The following MYOF variants were observed in gnomAD, a reference collection of about 807,000 sequenced individuals.
MYOF encodes the protein fer-1-like 3, myoferlin.
In MYOF, 244 loss-of-function variants were observed where a neutral mutation model predicts 284.2. That is an observed-to-expected ratio of 0.86 (90% confidence interval 0.77 to 0.95). MYOF has a LOEUF of 0.95. MYOF is among the 40% of genes least tolerant of loss of function. MYOF has a pLI of 0.00. For synonymous variants in MYOF, 904 were observed against 919.7 expected (o/e 0.98, Z 0.31); for missense variants, 2,496 against 2,560.6 (o/e 0.97, Z 0.54).
Position 93,371,614 on chromosome 10 carries a change from C to T in MYOF, c.2457+1316G>A, listed in dbSNP as rs115731872. Among the ~76,000 whole-genome samples, 712 of 152,200 alleles carry T rather than the reference C, an allele frequency of 4.7e-3. 10 individuals carry two copies. The highest frequency in any genetic ancestry group is 0.016 in the African/African-American group (670 of 41,522). On this transcript the variant is annotated intron_variant, in intron 24 of 53. Transcript: ENST00000359263. ...TAATTGATGTAATTTATGTTAGTAA[C>T]GGGTTATTGTTACAGTTAAATCAAT...
At chr10:93,364,113 C>A in intron 26 of MYOF, 38 bp from the exon 27 acceptor site, 2 of 1,566,202 alleles carry the variant, frequency 1.3e-6, no homozygotes, top group Admixed American at 1.7e-5. Context: ...CCAAGGAGAC[C>A]GGGTAACCGG....
intron 29 of MYOF, 122 bp from the exon 30 acceptor site, chr10:93,356,970 T>C (rs1844836088): frequency 9.7e-7 from 1 of 1,033,956 alleles, no homozygotes; most frequent in African/African-American, 1.6e-5. Flanking sequence ...CTGTGCCAAG[T>C]ACTGAGCTAG....
intron 1 of MYOF, among the ~76,000 whole-genome samples, chr10:93,480,025 C>T (rs1334536462): frequency 2.0e-5 from 3 of 152,140 alleles, no homozygotes; most frequent in African/African-American, 7.2e-5. Context: ...ACTCCAATTC[C>T]TCTATAATCT....
At chr10:93,374,287 CT>C (rs1845734534) in intron 23 of MYOF, among the ~76,000 whole-genome samples, 1 of 152,146 alleles carries the variant, frequency 6.6e-6, no homozygotes, top group Admixed American at 6.6e-5. Context: ...CACCCACCAT[CT>C]TTTTAAAATC....
intron 1 of MYOF, among the ~76,000 whole-genome samples, chr10:93,474,233 A>G (rs930696906): frequency 6.6e-6 from 1 of 152,158 alleles, no homozygotes; most frequent in African/African-American, 2.4e-5. Flanking sequence ...CCTTCTTACT[A>G]GTCTCCCTGA....
intron 3 of MYOF, among the ~76,000 whole-genome samples, chr10:93,448,941 G>A (rs2056513572): frequency 6.6e-6 from 1 of 152,136 alleles, no homozygotes; most frequent in Admixed American, 6.5e-5. Context: ...GTTGCAGTGA[G>A]CCAAGATCAC....
intron 5 of MYOF, among the ~76,000 whole-genome samples, chr10:93,417,268 TCTTTA>T (rs762222689): frequency 6.6e-6 from 1 of 152,190 alleles, no homozygotes; most frequent in Non-Finnish European, 1.5e-5. Context: ...GATCCACTCT[TCTTTA>T]CTTGTGATGT....
At chr10:93,479,358 T>C (rs900350049) in intron 1 of MYOF, among the ~76,000 whole-genome samples, 5 of 152,172 alleles carry the variant, frequency 3.3e-5, no homozygotes, top group African/African-American at 9.7e-5. Flanking sequence ...CTTTGTTCCA[T>C]GTTCCCTCTG....
chr10:93,338,904 C>T (rs558214191), intron 39 of MYOF, among the ~76,000 whole-genome samples: 2 of 150,982 alleles, frequency 1.3e-5, no homozygotes, highest in African/African-American at 2.4e-5. Context: ...TTATTTTAAC[C>T]TACCTTGGAA....
intron 1 of MYOF, 78 bp downstream of exon 1, chr10:93,482,029 C>T: frequency 1.5e-6 from 2 of 1,378,140 alleles, no homozygotes; most frequent in Non-Finnish European, 2.1e-6. Flanking sequence ...TGTCTAAATG[C>T]AGACTTTTCA....
intron 17 of MYOF, among the ~76,000 whole-genome samples, chr10:93,390,006 C>G (rs1029767729): frequency 3.3e-5 from 5 of 152,180 alleles, no homozygotes; most frequent in African/African-American, 1.2e-4. Flanking sequence ...TTCGAAATGA[C>G]AAACAATGGG....
At chr10:93,455,901 TG>T (rs2056733656) in intron 2 of MYOF, among the ~76,000 whole-genome samples, 1 of 152,042 alleles carries the variant, frequency 6.6e-6, no homozygotes, top group Non-Finnish European at 1.5e-5. Context: ...AATAATTGGG[TG>T]GTTTAAAAGA....
At position 93,306,930 on chromosome 10, in the gene MYOF, T is replaced by C; in HGVS notation, c.*33A>G. The stretch of plus-strand genomic sequence containing the variant: ...TACAGAGGCAGGATTCTCTCATTGC[T>C]GGATGACTCTTGAAATGAAGCCTTT... On this transcript the variant is annotated 3_prime_UTR_variant, in exon 54 of 54. Coordinates refer to ENST00000359263, the MANE Select transcript of MYOF (RefSeq NM_013451.4). 1.2e-6 allele frequency: 2 copies of C among 1,604,874 alleles called. No homozygotes were observed. Among genetic ancestry groups the C allele is most frequent in the Non-Finnish European group, 1.7e-6 (2 of 1,172,054 alleles).
chr10:93,411,281 C>T (rs1022262310), intron 5 of MYOF, among the ~76,000 whole-genome samples: 40 of 152,130 alleles, frequency 2.6e-4, no homozygotes, highest in African/African-American at 5.8e-4. Context: ...ATCAAGGCAC[C>T]GGCGGATTCA....
chr10:93,316,747 C>T lies in MYOF; in HGVS notation c.5665G>A (p.Asp1889Asn). 1 of 1,613,962 alleles carries T rather than the reference C, an allele frequency of 6.2e-7. No individual in the cohort carries two copies. Among genetic ancestry groups the T allele is most frequent in the South Asian group, 1.1e-5 (1 of 91,074 alleles). ...TCATCCAGAGAAAACTTGTCATTGT[C>T]CCATATCTGAATGATCAGCCTGGGT... Reference protein sequence around the residue: ...IPPRLIIQIWDNDKFSLDDYL... With the variant: ...IPPRLIIQIWNNDKFSLDDYL... Residue 1889 changes from aspartate to asparagine, a missense_variant, in exon 50 of 54, where the codon GAC becomes AAC. By Grantham distance (23) the Asp-to-Asn change is conservative (BLOSUM62 1). Transcript: ENST00000359263.
intron 24 of MYOF, 70 bp from the exon 25 acceptor site, chr10:93,369,846 A>C (rs1845507045): frequency 5.1e-6 from 8 of 1,572,316 alleles, no homozygotes; most frequent in Non-Finnish European, 7.0e-6. Context: ...AGTTAAAGCC[A>C]AAAACAGAGG....
chr10:93,477,348 C>G (rs1334472817), intron 1 of MYOF, among the ~76,000 whole-genome samples: 1 of 151,536 alleles, frequency 6.6e-6, no homozygotes, highest in African/African-American at 2.4e-5. Context: ...CAAAATTAGC[C>G]GGGTGTGGTG....
intron 25 of MYOF, among the ~76,000 whole-genome samples, chr10:93,367,404 T>C (rs1845376331): frequency 6.6e-6 from 1 of 152,136 alleles, no homozygotes; most frequent in Non-Finnish European, 1.5e-5. Context: ...AGCTTTTGGC[T>C]GAAGGAGAAA....
At chr10:93,345,442 G>A (rs920591332) in intron 37 of MYOF, among the ~76,000 whole-genome samples, 1 of 152,194 alleles carries the variant, frequency 6.6e-6, no homozygotes, top group African/African-American at 2.4e-5. Flanking sequence ...AACCATCAGG[G>A]GGATAGCGGG....
Sources: allele counts gnomAD v4.1 joint callset (sites outside exome capture counted in the v4.1 genomes callset), GRCh38; gene constraint gnomAD v4.1.1; transcripts MANE v1.5; gene names NCBI Gene and HGNC (gene_info 2026-07-23, HGNC 2026-07-21).